The following KCNMA1 variants were observed in gnomAD, a reference collection of about 807,000 sequenced individuals.
The protein encoded by KCNMA1 is Calcium-activated potassium channel subunit alpha-1.
In KCNMA1, 29 loss-of-function variants were observed where a neutral mutation model predicts 140.0. That is an observed-to-expected ratio of 0.21 (90% confidence interval 0.15 to 0.28). KCNMA1 has a LOEUF of 0.28. Ranked by LOEUF, KCNMA1 falls within the 10% of genes least tolerant of loss-of-function variation. KCNMA1 has a pLI of 1.00. For missense variants in KCNMA1, 880 were observed against 1,602.2 expected (o/e 0.55, Z 7.70); for synonymous variants, 612 against 611.9 (o/e 1.00, Z 0.00).
intron 2 of KCNMA1, among the ~76,000 whole-genome samples, chr10:77,367,181 G>A (rs1224785638): frequency 6.6e-6 from 1 of 152,178 alleles, no homozygotes; most frequent in Non-Finnish European, 1.5e-5. Flanking sequence ...TGACTAAGGG[G>A]TCACTCATCC....
At chr10:77,342,292 T>C (rs80045276) in intron 2 of KCNMA1, among the ~76,000 whole-genome samples, 260 of 152,338 alleles carry the variant, frequency 1.7e-3, no homozygotes, top group African/African-American at 5.8e-3. Flanking sequence ...ATTTATTATA[T>C]GCCAGGCACA....
intron 1 of KCNMA1, among the ~76,000 whole-genome samples, chr10:77,540,857 T>C (rs1445039889): frequency 6.6e-6 from 1 of 151,804 alleles, no homozygotes; most frequent in African/African-American, 2.4e-5. Flanking sequence ...ACAAAAAAAA[T>C]AGCTGAGTGT....
intron 23 of KCNMA1, among the ~76,000 whole-genome samples, chr10:76,915,896 A>G (rs568752013): frequency 6.6e-6 from 1 of 152,140 alleles, no homozygotes; most frequent in South Asian, 2.1e-4. Context: ...TGAGGGCATA[A>G]CTAACTTAGT....
chr10:77,592,062 C>A (rs1274912721), intron 1 of KCNMA1, among the ~76,000 whole-genome samples: 1 of 152,138 alleles, frequency 6.6e-6, no homozygotes, highest in Non-Finnish European at 1.5e-5. Flanking sequence ...GATGTTCCTG[C>A]ACACAAGTGA....
intron 2 of KCNMA1, among the ~76,000 whole-genome samples, chr10:77,256,245 G>T (rs911624610): frequency 1.3e-5 from 2 of 152,162 alleles, no homozygotes; most frequent in African/African-American, 4.8e-5. Context: ...CTGCAATTAG[G>T]CCCATATGCT....
intron 2 of KCNMA1, among the ~76,000 whole-genome samples, chr10:77,339,328 C>A (rs192735080): frequency 7.2e-4 from 109 of 152,284 alleles, no homozygotes; most frequent in Admixed American, 1.6e-3. Flanking sequence ...CCTCCACCGC[C>A]TTCCCAGCCT....
intron 1 of KCNMA1, among the ~76,000 whole-genome samples, chr10:77,612,687 A>G (rs2087422057): frequency 6.6e-6 from 1 of 152,184 alleles, no homozygotes; most frequent in African/African-American, 2.4e-5. Flanking sequence ...TTAAAAAATG[A>G]AAGTCAAAAG....
In KCNMA1 at chr10:77,440,905, G is replaced by A. The variant is rs185142095; in HGVS notation, c.379-36882C>T. Among the ~76,000 whole-genome samples the A allele has an allele frequency of 3.7e-3, 566 of 152,232 alleles. 7 individuals carry two copies. Among genetic ancestry groups the A allele is most frequent in the African/African-American group, 0.013 (545 of 41,554 alleles). On this transcript the variant is annotated intron_variant, in intron 1 of 27. Coordinates refer to ENST00000286628, the MANE Select transcript of KCNMA1 (RefSeq NM_001161352.2). ...ACGATCTTGGCTCACTGCAAGCTCC[G>A]CCTCCCGGGTTCACGCCATTCTCCT... is the stretch of plus-strand genomic sequence containing the variant.
intron 1 of KCNMA1, among the ~76,000 whole-genome samples, chr10:77,595,642 T>C (rs1437415659): frequency 6.6e-6 from 1 of 152,080 alleles, no homozygotes; most frequent in East Asian, 1.9e-4. Context: ...GATCAACCTC[T>C]AACTAGCCAG....
chr10:77,050,023 T>C (rs2095297208), intron 14 of KCNMA1, among the ~76,000 whole-genome samples: 1 of 152,166 alleles, frequency 6.6e-6, no homozygotes, highest in African/African-American at 2.4e-5. Context: ...ACTGGAGTTA[T>C]TCCTACTAGC....
At chr10:77,446,110 G>A (rs1566900035) in intron 1 of KCNMA1, among the ~76,000 whole-genome samples, 1 of 145,978 alleles carries the variant, frequency 6.9e-6, no homozygotes, top group Non-Finnish European at 1.5e-5. Context: ...TCTCTTCAAA[G>A]AGATCTACAC....
At chr10:76,959,234 A>G (rs2069833644) in intron 20 of KCNMA1, among the ~76,000 whole-genome samples, 1 of 152,224 alleles carries the variant, frequency 6.6e-6, no homozygotes. Flanking sequence ...GGAAGCCTGA[A>G]CACTAGCCAG....
chr10:77,146,348 G>A (rs1189667930), intron 5 of KCNMA1, among the ~76,000 whole-genome samples: 3 of 152,122 alleles, frequency 2.0e-5, no homozygotes, highest in Non-Finnish European at 4.4e-5. Context: ...TGCTCCTGAT[G>A]CACTGAGAGA....
At chr10:77,098,135 G>A (rs2096985109) in intron 9 of KCNMA1, among the ~76,000 whole-genome samples, 1 of 152,186 alleles carries the variant, frequency 6.6e-6, no homozygotes, top group Non-Finnish European at 1.5e-5. Flanking sequence ...AGACCGTGGT[G>A]AGAAATGATC....
At chr10:76,963,690 C>T (rs2072658828) in intron 20 of KCNMA1, among the ~76,000 whole-genome samples, 2 of 152,186 alleles carry the variant, frequency 1.3e-5, no homozygotes, top group South Asian at 4.1e-4. Flanking sequence ...CTAGATGCTG[C>T]ACTAATGACT....
At chr10:77,552,560 C>T (rs184130040) in intron 1 of KCNMA1, among the ~76,000 whole-genome samples, 14 of 152,352 alleles carry the variant, frequency 9.2e-5, no homozygotes, top group Admixed American at 8.5e-4. Flanking sequence ...GCAACTGATA[C>T]ATGTGTGTGC....
intron 1 of KCNMA1, among the ~76,000 whole-genome samples, chr10:77,584,801 G>A (rs2076807947): frequency 6.6e-6 from 1 of 152,190 alleles, no homozygotes; most frequent in Admixed American, 6.5e-5. Context: ...AGGAGGCTGA[G>A]GTCTGACCCA....
intron 21 of KCNMA1, among the ~76,000 whole-genome samples, chr10:76,951,378 A>G (rs1485924652): frequency 2.0e-5 from 3 of 152,166 alleles, no homozygotes; most frequent in African/African-American, 7.2e-5. Flanking sequence ...GCATCCTTCC[A>G]GGCCCAACCC....
intron 22 of KCNMA1, among the ~76,000 whole-genome samples, chr10:76,947,223 G>A (rs932119002): frequency 6.6e-6 from 1 of 152,020 alleles, no homozygotes; most frequent in Admixed American, 6.5e-5. Context: ...TGTAAACCCA[G>A]CTACTCAGGA....
Sources: allele counts gnomAD v4.1 joint callset (sites outside exome capture counted in the v4.1 genomes callset), GRCh38; gene constraint gnomAD v4.1.1; transcripts MANE v1.5; gene names NCBI Gene and HGNC (gene_info 2026-07-23, HGNC 2026-07-21).